Variants in NF2 observed in about 807,000 individuals in gnomAD.
NF2 encodes NF2, moesin-ezrin-radixin like (MERLIN) tumor suppressor.
Under a neutral mutation model 83.7 loss-of-function variants are expected in NF2, and 8 were observed. The ratio of observed to expected loss-of-function variants is 0.10; its 90% CI spans 0.06 to 0.17. The LOEUF (loss-of-function observed/expected upper bound fraction) is 0.17. Among genes scored for constraint, NF2 ranks in the 10% least tolerant of loss-of-function variants. The probability of loss-of-function intolerance (pLI) is 1.00; values close to 1 mark genes in which losing one functional copy is unlikely to be tolerated. For missense variants in NF2, 533 were observed against 744.4 expected, an observed-to-expected ratio of 0.72 and a Z score of 3.31; for synonymous variants, 266 against 269.6, an observed-to-expected ratio of 0.99 and a Z score of 0.13.
intron 8 of NF2, among the ~76,000 whole-genome samples, chr22:29,662,606 A>G (rs938382744): frequency 4.6e-5 from 7 of 152,232 alleles, no homozygotes; most frequent in African/African-American, 1.4e-4. Flanking sequence ...TCTTCCACAT[A>G]CAAGCACATT....
intron 15 of NF2, chr22:29,683,284 G>A (rs900258768): frequency 1.0e-5 from 15 of 1,456,920 alleles, no homozygotes; most frequent in African/African-American, 5.7e-5. Flanking sequence ...GCCTCGTTCC[G>A]AAGAGCATGT....
chr22:29,664,013 A>AT lies in NF2; in HGVS notation c.811-971dup, dbSNP rs1364090722. Among the ~76,000 whole-genome samples, 13 of 152,100 alleles carry AT rather than the reference A, an allele frequency of 8.5e-5. No homozygotes were observed. In the South Asian group the frequency reaches 1.2e-3, roughly 15 times the overall value. ...ACTGTTTTCCCTTCTACTATAGTCCATTTTTTCCCCATTTGATTCTATTAA... is the reference window on the plus strand; with the variant it reads ...ACTGTTTTCCCTTCTACTATAGTCCATTTTTTTCCCCATTTGATTCTATTAA... On this transcript the variant is annotated intron_variant, in intron 8 of 15. Coordinates refer to ENST00000338641, the MANE Select transcript of NF2 (RefSeq NM_000268.4).
chr22:29,617,772 C>T (rs2065117232), intron 1 of NF2, among the ~76,000 whole-genome samples: 1 of 152,168 alleles, frequency 6.6e-6, no homozygotes. Context: ...TAATAACAAA[C>T]TCTCAGGTGA....
intron 1 of NF2, among the ~76,000 whole-genome samples, chr22:29,620,177 T>C (rs139756799): frequency 4.8e-4 from 73 of 152,244 alleles, no homozygotes; most frequent in Non-Finnish European, 8.1e-4. Flanking sequence ...GAGAATTGCT[T>C]GAACCTGGGA....
chr22:29,661,263 A>G lies in NF2; in HGVS notation c.734A>G (p.Asp245Gly). 6.2e-7 allele frequency: 1 copy of G among 1,614,218 alleles called. No homozygotes were observed. The highest frequency in any genetic ancestry group is 8.5e-7 in the Non-Finnish European group (1 of 1,180,038). The change falls in exon 8 of 16, where the codon GAC (aspartate) becomes GGC (glycine). Residue 245 changes from aspartate (D) to glycine (G), a missense_variant. Transcript: ENST00000338641. Reference protein sequence around the residue: ...GVDALGLHIYDPENRLTPKIS... With the variant: ...GVDALGLHIYGPENRLTPKIS... ...GATGCCCTGGGGCTTCACATTTATG[A>G]CCCTGAGAACAGACTGACCCCCAAG...
intron 2 of NF2, among the ~76,000 whole-genome samples, chr22:29,638,660 C>T (rs947050899): frequency 1.3e-5 from 2 of 152,040 alleles, no homozygotes; most frequent in East Asian, 1.9e-4. Flanking sequence ...CGCTCTAAGC[C>T]GTATTCTATC....
In NF2 at chr22:29,694,636, C is replaced by A; in HGVS notation, c.1738-116C>A. ...CCAACTTCTTGAGCATCTATTTGAA[C>A]AGCCTTCCCTTTCGCTCCCAGCCAC... is the stretch of plus-strand genomic sequence containing the variant. On this transcript the variant is annotated intron_variant, in intron 15 of 15. Coordinates refer to ENST00000338641, the MANE Select transcript of NF2 (RefSeq NM_000268.4). This position sits in a 1 kb window ranked among gnomAD's most constrained non-coding sequence, Gnocchi z 4.1. 2.9e-6 allele frequency: 3 copies of A among 1,022,054 alleles called. No homozygotes were observed. The highest frequency in any genetic ancestry group is 4.5e-6 in the Non-Finnish European group (3 of 662,098). The allele number at this position is 1,022,054 out of a possible 1,614,324, so 63.3% of individuals were successfully genotyped here.
intron 4 of NF2, among the ~76,000 whole-genome samples, chr22:29,645,252 G>C (rs894024369): frequency 2.0e-5 from 3 of 152,130 alleles, no homozygotes; most frequent in Non-Finnish European, 2.9e-5. Context: ...GGCCCAGGGT[G>C]GGGAGAGAGC....
intron 4 of NF2, among the ~76,000 whole-genome samples, chr22:29,643,213 T>C (rs917180302): frequency 2.6e-5 from 4 of 152,074 alleles, no homozygotes; most frequent in Admixed American, 6.6e-5. Flanking sequence ...ACTCCTGAGC[T>C]CAAGTGATCC....
chr22:29,689,172 C>A (rs569411587), intron 15 of NF2, among the ~76,000 whole-genome samples: 1 of 95,066 alleles, frequency 1.1e-5, no homozygotes, highest in Non-Finnish European at 2.0e-5. Context: ...AGTGAGACTC[C>A]GTCTCAAAAA....
chr22:29,643,815 C>T (rs1038075009), intron 4 of NF2, among the ~76,000 whole-genome samples: 3 of 152,214 alleles, frequency 2.0e-5, no homozygotes, highest in Admixed American at 2.0e-4. Context: ...GCACACCTCC[C>T]AGACGGGGTG....
chr22:29,679,973 C>G (rs1306506132), intron 14 of NF2, among the ~76,000 whole-genome samples: 3 of 152,092 alleles, frequency 2.0e-5, no homozygotes, highest in Non-Finnish European at 4.4e-5. Context: ...GGCATTCTTG[C>G]TGGTTCATAA....
intron 11 of NF2, 40 bp from the exon 12 acceptor site, chr22:29,673,229 C>T: frequency 1.3e-6 from 2 of 1,546,108 alleles, no homozygotes; most frequent in South Asian, 1.2e-5. Context: ...GGGAGAACAG[C>T]ACATGATCCC....
intron 13 of NF2, among the ~76,000 whole-genome samples, chr22:29,677,544 C>G (rs987864733): frequency 6.6e-6 from 1 of 151,644 alleles, no homozygotes; most frequent in Non-Finnish European, 1.5e-5. Context: ...GGCCCTACTC[C>G]GGTTCCATTG....
In NF2 at chr22:29,603,648, C is replaced by T. The variant is rs2064699937; in HGVS notation, c.-351C>T. 2.5e-6 allele frequency: 1 copy of T among 407,616 alleles called. No individual in the cohort carries two copies. Among genetic ancestry groups the T allele is most frequent in the Non-Finnish European group, 4.3e-6 (1 of 231,760 alleles). 25.2% of individuals were successfully genotyped at this position (407,616 alleles called of 1,614,324 possible). On this transcript the variant is annotated 5_prime_UTR_variant, in exon 1 of 16. Coordinates refer to ENST00000338641, the MANE Select transcript of NF2 (RefSeq NM_000268.4). ...GCGCGGCCCCGTGACCCTAGTCGGCCGCTGAGAGGCGCGCGGAGTCTGGGC... is the reference window on the plus strand; with the variant it reads ...GCGCGGCCCCGTGACCCTAGTCGGCTGCTGAGAGGCGCGCGGAGTCTGGGC...
chr22:29,683,170 T>C, intron 15 of NF2: 2 of 1,612,570 alleles, frequency 1.2e-6, no homozygotes, highest in African/African-American at 1.3e-5. Context: ...ACTGAGCCCT[T>C]ACGAGGGCAG....
intron 7 of NF2, 110 bp from the exon 8 acceptor site, chr22:29,661,095 C>A: frequency 2.0e-6 from 3 of 1,490,978 alleles, no homozygotes; most frequent in Non-Finnish European, 2.8e-6. Context: ...TCTGTTGGGA[C>A]CTGCTGAAAC....
At chr22:29,640,279 C>T (rs1447942567) in intron 3 of NF2, among the ~76,000 whole-genome samples, 2 of 150,536 alleles carry the variant, frequency 1.3e-5, no homozygotes, top group Non-Finnish European at 2.9e-5. Flanking sequence ...CTTCAGACAT[C>T]GTGCTTCATG....
At chr22:29,609,101 C>G in intron 1 of NF2, 1 of 747,732 alleles carries the variant, frequency 1.3e-6, no homozygotes, top group East Asian at 2.5e-5. Context: ...CATCTTTCAT[C>G]TCGAGGAAAC....
Sources: allele counts gnomAD v4.1 joint callset (sites outside exome capture counted in the v4.1 genomes callset), GRCh38; gene constraint gnomAD v4.1.1; non-coding constraint Gnocchi (gnomAD v3.1); transcripts MANE v1.5; gene names NCBI Gene and HGNC (gene_info 2026-07-23, HGNC 2026-07-21).